Variants in SAMSN1 observed in about 807,000 individuals in gnomAD.
SAMSN1 encodes SAM domain, SH3 domain and nuclear localization signals 1.
Under a neutral mutation model 42.0 loss-of-function variants are expected in SAMSN1, and 31 were observed. That is an observed-to-expected ratio of 0.74 (90% CI 0.55 to 1.00). The LOEUF (loss-of-function observed/expected upper bound fraction) is 1.00. SAMSN1 is among the 50% of genes least tolerant of loss of function. The pLI, the probability that SAMSN1 is intolerant of heterozygous loss-of-function variation, is 0.00. For missense variants in SAMSN1, 464 were observed against 439.4 expected (o/e 1.06, Z -0.50); for synonymous variants, 178 against 151.9 (o/e 1.17, Z -1.26).
chr21:14,592,204 G>A (rs1019394878), intron 7 of SAMSN1: 1 of 152,140 alleles, frequency 6.6e-6, no homozygotes, highest in Non-Finnish European at 1.5e-5. Context: ...CTACTCATAA[G>A]AACATTTCTG....
rs1411544398 is a variant in SAMSN1, at chr21:14,598,723, G to A, written c.399+3300C>T. ...GAAGGAAACATGTTTGCTTAAGTAC[G>A]TTCTGGTTGGGAATTAAATATTTAA... On this transcript the variant is annotated intron_variant, in intron 6 of 15. Transcript: ENST00000647101. Among the ~76,000 whole-genome samples the A allele has an allele frequency of 4.6e-5, 7 of 152,108 alleles. No individual in the cohort carries two copies. In the South Asian group the frequency reaches 6.2e-4, roughly 14 times the overall value.
At chr21:14,627,871 G>C (rs1346250495) in intron 2 of SAMSN1, among the ~76,000 whole-genome samples, 2 of 152,052 alleles carry the variant, frequency 1.3e-5, no homozygotes, top group African/African-American at 2.4e-5. Context: ...AGTTAACTAC[G>C]AGGATAAGTG....
At chr21:14,578,215 A>T (rs1981570779) in intron 2 of SAMSN1, among the ~76,000 whole-genome samples, 1 of 152,168 alleles carries the variant, frequency 6.6e-6, no homozygotes, top group Non-Finnish European at 1.5e-5. Flanking sequence ...AAAGAGAGTG[A>T]GTAGGACTGA....
At chr21:14,544,333 G>A (rs1475641515) in intron 1 of SAMSN1, among the ~76,000 whole-genome samples, 5 of 152,126 alleles carry the variant, frequency 3.3e-5, no homozygotes, top group Admixed American at 3.3e-4. Context: ...CTACAGGTGT[G>A]AGCCCATGCA....
Position 14,512,451 on chromosome 21 carries a change from G to C in SAMSN1, c.402C>G (p.Ser134Arg). The change falls in exon 4 of 8, where the codon AGC becomes AGG. Residue 134 changes from serine to arginine, a missense_variant. Coordinates refer to ENST00000400566, the MANE Select transcript of SAMSN1 (RefSeq NM_022136.5). ...DSMDSLYSGQ[S>R]SSSGITSCSD... ...CTGATTCATTAGCCTTACTTGATGA[G>C]CTCTGTCCACTGTAGAGACTATCCA... 6.2e-7 allele frequency: 1 copy of C among 1,613,798 alleles called. No homozygotes were observed. The highest frequency in any genetic ancestry group is 8.5e-7 in the Non-Finnish European group (1 of 1,179,776).
At chr21:14,504,654 A>T (rs1987320251) in intron 5 of SAMSN1, among the ~76,000 whole-genome samples, 2 of 152,238 alleles carry the variant, frequency 1.3e-5, no homozygotes, top group Admixed American at 6.5e-5. Context: ...GGAAGAAGAG[A>T]AATCTAAAAG....
chr21:14,523,432 G>A (rs1304158933), intron 1 of SAMSN1: 1 of 152,176 alleles, frequency 6.6e-6, no homozygotes, highest in Non-Finnish European at 1.5e-5. Context: ...CTGAAACTGA[G>A]AACCACACTG....
chr21:14,493,505 A>G (rs1033263883), intron 7 of SAMSN1, among the ~76,000 whole-genome samples: 2 of 151,810 alleles, frequency 1.3e-5, no homozygotes, highest in African/African-American at 4.8e-5. Flanking sequence ...ACAACAGTAA[A>G]CCAGCTTATT....
intron 2 of SAMSN1, among the ~76,000 whole-genome samples, chr21:14,632,408 G>A (rs1024599806): frequency 1.3e-5 from 2 of 151,482 alleles, no homozygotes; most frequent in South Asian, 2.1e-4. Flanking sequence ...TTTAGTTCCC[G>A]TATTAGTTAT....
At chr21:14,626,955 T>G (rs11088124) in intron 2 of SAMSN1, among the ~76,000 whole-genome samples, 123,844 of 152,000 alleles carry the variant, frequency 0.81, 51,192 homozygotes, top group Middle Eastern at 0.9. Context: ...CCATAAAAAA[T>G]GATGAGTTCA....
At chr21:14,512,653 C>A in intron 3 of SAMSN1, 80 bp from the exon 4 acceptor site, 2 of 1,324,486 alleles carry the variant, frequency 1.5e-6, no homozygotes, top group South Asian at 2.6e-5. Context: ...ATTTAATAGA[C>A]ACATATTTTA....
At chr21:14,497,066 G>A (rs1367504914) in intron 7 of SAMSN1, among the ~76,000 whole-genome samples, 1 of 152,106 alleles carries the variant, frequency 6.6e-6, no homozygotes, top group Non-Finnish European at 1.5e-5. Context: ...TACTTGTAGT[G>A]TTAGAAAGTA....
chr21:14,544,815 A>G (rs967698698), intron 1 of SAMSN1, among the ~76,000 whole-genome samples: 2 of 152,170 alleles, frequency 1.3e-5, no homozygotes, highest in African/African-American at 4.8e-5. Flanking sequence ...ACTATAAAAT[A>G]CAGGCTTTAT....
intron 1 of SAMSN1, among the ~76,000 whole-genome samples, chr21:14,653,510 G>A (rs1441828304): frequency 2.0e-5 from 3 of 151,982 alleles, no homozygotes; most frequent in Admixed American, 2.0e-4. Context: ...AAGAGTAATG[G>A]CATTCTGGGA....
intron 5 of SAMSN1, among the ~76,000 whole-genome samples, chr21:14,607,249 G>C (rs2123315044): frequency 6.6e-6 from 1 of 152,248 alleles, no homozygotes; most frequent in Middle Eastern, 3.4e-3. Flanking sequence ...CTCTTAAGTA[G>C]TTATGCAATT....
intron 2 of SAMSN1, among the ~76,000 whole-genome samples, chr21:14,627,965 T>C (rs1363550032): frequency 6.6e-6 from 1 of 152,140 alleles, no homozygotes. Context: ...TCCTTCCATG[T>C]TGAATATCCT....
intron 5 of SAMSN1, among the ~76,000 whole-genome samples, chr21:14,507,299 A>T (rs1011635073): frequency 6.6e-6 from 1 of 152,100 alleles, no homozygotes; most frequent in Non-Finnish European, 1.5e-5. Flanking sequence ...AACCATAAAG[A>T]CTCTTCCAGG....
chr21:14,647,512 A>G (rs1421531898), intron 1 of SAMSN1, among the ~76,000 whole-genome samples: 3 of 148,926 alleles, frequency 2.0e-5, no homozygotes, highest in Admixed American at 1.4e-4. Context: ...GTTTTTTCCA[A>G]TTCTGTGAAG....
At chr21:14,582,123 T>A in intron 2 of SAMSN1, 2 of 1,532,192 alleles carry the variant, frequency 1.3e-6, no homozygotes, top group South Asian at 2.4e-5. Context: ...ATTTCCGTAG[T>A]CTGCAAACTT....
Sources: gnomAD v4.1 joint callset for allele counts (sites outside exome capture counted in the v4.1 genomes callset) on GRCh38, gnomAD v4.1.1 for gene constraint, MANE v1.5 for transcripts, NCBI Gene and HGNC (gene_info 2026-07-23, HGNC 2026-07-21) for gene names.